Variants in NAV2 observed in about 807,000 individuals in gnomAD.
NAV2 encodes helicase, APC down-regulated 1.
A neutral mutation model predicts 223.2 loss-of-function variants in NAV2; 54 were observed. The ratio of observed to expected loss-of-function variants is 0.24; its 90% CI spans 0.19 to 0.30. NAV2 has a LOEUF of 0.30. Among genes scored for constraint, NAV2 ranks in the 10% least tolerant of loss-of-function variants. NAV2 has a pLI of 1.00. For synonymous variants in NAV2, 1,279 were observed against 1,239.3 expected (o/e 1.03, Z -0.67); for missense variants, 2,806 against 3,147.5 (o/e 0.89, Z 2.60).
intron 11 of NAV2, among the ~76,000 whole-genome samples, chr11:20,016,529 A>G (rs2054016911): frequency 6.6e-6 from 1 of 152,216 alleles, no homozygotes; most frequent in Admixed American, 6.5e-5. Context: ...GCAGCTCTAT[A>G]AGATAAAATA....
In NAV2 at chr11:19,812,054, A is replaced by G. The variant is rs77767977; in HGVS notation, c.268-20430A>G. On this transcript the variant is annotated intron_variant, in intron 1 of 37. Coordinates refer to ENST00000349880, the MANE Select transcript of NAV2 (RefSeq NM_145117.5). ...TGATTATTTTTTCCATCGCCTTTCC[A>G]TGGTCCTGTCCACATTGAAAAAAGG... 4.1e-4 allele frequency among the ~76,000 whole-genome samples: 62 copies of G among 152,262 alleles called. No homozygotes were observed. In the East Asian group the frequency reaches 0.011, roughly 27 times the overall value.
At chr11:19,457,201 G>A (rs1161282056) in intron 1 of NAV2, among the ~76,000 whole-genome samples, 3 of 152,150 alleles carry the variant, frequency 2.0e-5, no homozygotes, top group Non-Finnish European at 4.4e-5. Flanking sequence ...GAAAACAACA[G>A]CAGCAATGTC....
intron 1 of NAV2, among the ~76,000 whole-genome samples, chr11:19,468,973 A>C (rs1377965784): frequency 2.0e-5 from 3 of 152,206 alleles, no homozygotes; most frequent in Non-Finnish European, 4.4e-5. Context: ...AACCAAACTT[A>C]ACTCATAGGA....
At chr11:19,941,700 T>C (rs2046416606) in intron 8 of NAV2, among the ~76,000 whole-genome samples, 2 of 152,122 alleles carry the variant, frequency 1.3e-5, no homozygotes, top group African/African-American at 4.8e-5. Flanking sequence ...TGCTCATGAA[T>C]TCCTTCTATA....
intron 13 of NAV2, among the ~76,000 whole-genome samples, chr11:20,044,647 T>C (rs2057267970): frequency 6.6e-6 from 1 of 152,082 alleles, no homozygotes; most frequent in Admixed American, 6.5e-5. Context: ...CCTGGACATG[T>C]TAGGGACAGC....
At chr11:19,412,978 A>G (rs968303748) in intron 1 of NAV2, among the ~76,000 whole-genome samples, 11 of 152,236 alleles carry the variant, frequency 7.2e-5, no homozygotes, top group African/African-American at 2.7e-4. Flanking sequence ...AAAAACCAGC[A>G]CAAAAAGGCT....
chr11:19,507,914 TC>T (rs1391365609), intron 1 of NAV2, among the ~76,000 whole-genome samples: 4 of 152,204 alleles, frequency 2.6e-5, no homozygotes, highest in Non-Finnish European at 5.9e-5. Context: ...ATGTCAGGAT[TC>T]AAATTCAGGC....
intron 1 of NAV2, among the ~76,000 whole-genome samples, chr11:19,359,646 A>G (rs929243933): frequency 6.6e-6 from 1 of 152,234 alleles, no homozygotes; most frequent in Non-Finnish European, 1.5e-5. Context: ...GTCACCAGTC[A>G]TTTAGAAATG....
chr11:20,078,441 TC>T (rs1259737393), intron 24 of NAV2, among the ~76,000 whole-genome samples: 1 of 152,186 alleles, frequency 6.6e-6, no homozygotes, highest in African/African-American at 2.4e-5. Context: ...ACTGAGTTCC[TC>T]CCTTATTTGT....
At chr11:19,811,705 G>T (rs1374136473) in intron 1 of NAV2, among the ~76,000 whole-genome samples, 1 of 152,172 alleles carries the variant, frequency 6.6e-6, no homozygotes, top group East Asian at 1.9e-4. Flanking sequence ...ACCTGGAATT[G>T]TAAATGACTG....
At chr11:19,651,638 T>C (rs551233347) in intron 1 of NAV2, among the ~76,000 whole-genome samples, 1 of 152,326 alleles carries the variant, frequency 6.6e-6, no homozygotes, top group African/African-American at 2.4e-5. Context: ...ACACCCACTT[T>C]GAAATTTCAT....
chr11:19,917,062 A>G lies in NAV2; in HGVS notation c.932-16114A>G, dbSNP rs149292017. The stretch of plus-strand genomic sequence containing the variant: ...CTATCCCTTGATGCAGAAGCAGGCA[A>G]TGCTGGTGTAACTAAGAGATCAGGT... On this transcript the variant is annotated intron_variant, in intron 6 of 37. Transcript: ENST00000349880. Among the ~76,000 whole-genome samples, 594 of 152,352 alleles carry G rather than the reference A, an allele frequency of 3.9e-3. 18 individuals are homozygous for G. In the South Asian group the frequency reaches 0.068, roughly 17 times the overall value.
chr11:19,534,243 G>C (rs1193087520), intron 1 of NAV2, among the ~76,000 whole-genome samples: 1 of 152,038 alleles, frequency 6.6e-6, no homozygotes, highest in Admixed American at 6.6e-5. Context: ...TTTGTTTATT[G>C]CTTGTCTCCC....
At chr11:19,375,361 G>A (rs1002417316) in intron 1 of NAV2, among the ~76,000 whole-genome samples, 31 of 152,272 alleles carry the variant, frequency 2.0e-4, no homozygotes, top group African/African-American at 6.7e-4. Flanking sequence ...GCACAGGCCG[G>A]GAAACAAGAG....
chr11:20,088,805 C>G (rs1173934462), intron 26 of NAV2, among the ~76,000 whole-genome samples: 1 of 152,158 alleles, frequency 6.6e-6, no homozygotes, highest in African/African-American at 2.4e-5. Context: ...ACAGACGAGC[C>G]TCACATGGTG....
chr11:19,774,936 C>T (rs1021905817), intron 1 of NAV2, among the ~76,000 whole-genome samples: 9 of 152,120 alleles, frequency 5.9e-5, no homozygotes, highest in African/African-American at 2.2e-4. Context: ...ATGTATAGAT[C>T]GTAAATGTTG....
At chr11:19,483,824 G>T (rs761633276) in intron 1 of NAV2, among the ~76,000 whole-genome samples, 1 of 152,010 alleles carries the variant, frequency 6.6e-6, no homozygotes, top group Non-Finnish European at 1.5e-5. Context: ...CAAGGTTAAG[G>T]GGGGACCACT....
chr11:19,943,549 G>A (rs796732037), intron 8 of NAV2, among the ~76,000 whole-genome samples: 21 of 152,214 alleles, frequency 1.4e-4, no homozygotes, highest in African/African-American at 5.1e-4. Flanking sequence ...TGCCAAGAAC[G>A]ACCTAAGAAA....
chr11:19,540,168 TC>T (rs1271754846), intron 1 of NAV2, among the ~76,000 whole-genome samples: 1 of 152,140 alleles, frequency 6.6e-6, no homozygotes. Flanking sequence ...CCTGCCTTCA[TC>T]TCCTGCAGTG....
Sources: allele counts gnomAD v4.1 joint callset (sites outside exome capture counted in the v4.1 genomes callset), GRCh38; gene constraint gnomAD v4.1.1; transcripts MANE v1.5; gene names NCBI Gene and HGNC (gene_info 2026-07-23, HGNC 2026-07-21).